Variants in PLXNC1 observed in about 807,000 individuals in gnomAD.
The protein encoded by PLXNC1 is plexin C1.
Under a neutral mutation model 178.2 loss-of-function variants are expected in PLXNC1, and 75 were observed. That is an observed-to-expected ratio of 0.42 (90% CI 0.35 to 0.51). The LOEUF (loss-of-function observed/expected upper bound fraction) is 0.51. Among genes scored for constraint, PLXNC1 ranks in the 20% least tolerant of loss-of-function variants. PLXNC1 has a pLI of 0.02. For missense variants in PLXNC1, 1,503 were observed against 1,984.4 expected, an observed-to-expected ratio of 0.76 and a Z score of 4.61; for synonymous variants, 790 against 779.9, an observed-to-expected ratio of 1.01 and a Z score of -0.22.
chr12:94,225,361 T>C (rs929927022), intron 7 of PLXNC1, among the ~76,000 whole-genome samples: 10 of 152,102 alleles, frequency 6.6e-5, no homozygotes, highest in African/African-American at 2.2e-4. Flanking sequence ...GAAGCTGAGC[T>C]AGGAGGCTGC....
rs1960900325 is a variant in PLXNC1, at chr12:94,150,109, TG to T, written c.1062+81del. 38 of 1,181,126 alleles carry T rather than the reference TG, an allele frequency of 3.2e-5. No homozygotes were observed. The South Asian group carries it at 6.0e-4, about 19-fold the overall frequency. 73.2% of individuals were successfully genotyped at this position (1,181,126 alleles called of 1,614,324 possible). A position where few individuals can be genotyped will look rare whatever the true frequency, so the allele number is the denominator to read the frequency against. ...CCGCCGCCGCCGAGGCAGAACGAGC[TG>T]GGGGCGAGCGGCGGGGCGGGGGTAC... On this transcript the variant is annotated intron_variant, in intron 1 of 30. Transcript: ENST00000258526.
At position 94,182,864 on chromosome 12, in the gene PLXNC1, T is replaced by TATCTATCTATC. The variant is rs1260414001; in HGVS notation, c.1338+1285_1338+1295dup. The stretch of plus-strand genomic sequence containing the variant: ...TAACTTGTTCAAGAATATCTGTATC[T>TATCTATCTATC]ATCTATCTATCTATCTATCTATCTA... On this transcript the variant is annotated intron_variant, in intron 3 of 30. Coordinates refer to ENST00000258526, the MANE Select transcript of PLXNC1 (RefSeq NM_005761.3). Among the ~76,000 whole-genome samples, 4 of 121,314 alleles carry TATCTATCTATC rather than the reference T, an allele frequency of 3.3e-5. No individual in the cohort carries two copies. The East Asian group carries it at 8.7e-4, about 26-fold the overall frequency. 79.6% of individuals were successfully genotyped at this position (121,314 alleles called of 152,430 possible).
intron 15 of PLXNC1, among the ~76,000 whole-genome samples, chr12:94,252,422 C>T (rs1327338375): frequency 2.6e-5 from 4 of 152,102 alleles, no homozygotes; most frequent in African/African-American, 4.8e-5. Flanking sequence ...CAGAATGAGG[C>T]CCTGTGTCTA....
intron 2 of PLXNC1, among the ~76,000 whole-genome samples, chr12:94,176,042 T>C (rs1054588066): frequency 2.6e-5 from 4 of 152,218 alleles, no homozygotes; most frequent in African/African-American, 9.7e-5. Context: ...GACTTCAGAT[T>C]AGATCTATAT....
chr12:94,173,470 G>A (rs1448620974), intron 2 of PLXNC1, among the ~76,000 whole-genome samples: 3 of 152,230 alleles, frequency 2.0e-5, no homozygotes, highest in South Asian at 4.1e-4. Context: ...AAGAATAATC[G>A]CTAACATTTC....
At position 94,297,411 on chromosome 12, in the gene PLXNC1, G is replaced by A. The variant is rs539426586; in HGVS notation, c.4062G>A (p.Leu1354=). The A allele has an allele frequency of 1.9e-6, 3 of 1,612,110 alleles. No individual in the cohort carries two copies. Among genetic ancestry groups the A allele is most frequent in the Admixed American group, 1.7e-5 (1 of 60,000 alleles). The part of the protein sequence containing the change: ...FKVKEMYLTK[L]LSTKVAIHSV... ...TAAAAGAAATGTATCTGACAAAGCT[G>A]CTGTCGACCAAGGTACACTTACTGT... Residue 1354 remains leucine, a synonymous_variant, in exon 26 of 31, where the codon CTG becomes CTA. Coordinates refer to ENST00000258526, the MANE Select transcript of PLXNC1 (RefSeq NM_005761.3).
chr12:94,278,062 C>G (rs144202025), intron 21 of PLXNC1: 2 of 456,084 alleles, frequency 4.4e-6, no homozygotes, highest in South Asian at 1.5e-5. Flanking sequence ...GGAGCCCCCC[C>G]TCCCTCTGTC....
At chr12:94,295,527 C>T (rs1967826925) in intron 24 of PLXNC1, among the ~76,000 whole-genome samples, 1 of 152,126 alleles carries the variant, frequency 6.6e-6, no homozygotes, top group African/African-American at 2.4e-5. Context: ...CGTGGGCCCT[C>T]CAGTCAGTCA....
intron 4 of PLXNC1, among the ~76,000 whole-genome samples, chr12:94,201,848 A>G (rs1201208026): frequency 7.5e-6 from 1 of 132,586 alleles, no homozygotes; most frequent in Non-Finnish European, 1.5e-5. Context: ...GACTCACTGC[A>G]GGCTCTGCCT....
At chr12:94,296,143 C>G (rs975145037) in intron 24 of PLXNC1, among the ~76,000 whole-genome samples, 1 of 152,122 alleles carries the variant, frequency 6.6e-6, no homozygotes, top group East Asian at 1.9e-4. Context: ...TTTCCATTAG[C>G]ATTTCAAGAT....
intron 26 of PLXNC1, among the ~76,000 whole-genome samples, 157 bp downstream of exon 26, chr12:94,297,580 CTCT>C (rs755404373): frequency 1.3e-5 from 2 of 152,182 alleles, no homozygotes; most frequent in African/African-American, 4.8e-5. Flanking sequence ...TACCCAGTTC[CTCT>C]TCTTTTTATA....
At chr12:94,265,923 G>A (rs1331084391) in intron 21 of PLXNC1, among the ~76,000 whole-genome samples, 2 of 152,182 alleles carry the variant, frequency 1.3e-5, no homozygotes, top group Non-Finnish European at 2.9e-5. Flanking sequence ...CAGAGAGGGA[G>A]CCAAGCAGGG....
At position 94,279,842 on chromosome 12, in the gene PLXNC1, G is replaced by A. The variant is rs141975647; in HGVS notation, c.3775+193G>A. 97 of 700,658 alleles carry A rather than the reference G, an allele frequency of 1.4e-4. No individual in the cohort carries two copies. In the East Asian group the frequency reaches 2.1e-3, roughly 15 times the overall value. 43.4% of individuals were successfully genotyped at this position (700,658 alleles called of 1,614,324 possible). A position where few individuals can be genotyped will look rare whatever the true frequency, so the allele number is the denominator to read the frequency against. On this transcript the variant is annotated intron_variant, in intron 22 of 30. Coordinates refer to ENST00000258526, the MANE Select transcript of PLXNC1 (RefSeq NM_005761.3). ...TCTCTCATGGGCATCCTGATTCTTC[G>A]AAGGAAGCACGGTCCTTCAAAGATG...
Position 94,297,356 on chromosome 12 carries a change from A to G in PLXNC1, c.4007A>G (p.Lys1336Arg). Residue 1336 changes from lysine to arginine, a missense_variant, in exon 26 of 31, where the codon AAG (lysine) becomes AGG (arginine). Lys to Arg is a conservative substitution (Grantham distance 26, BLOSUM62 2). Around this residue, in one of 4 missense-constraint regions of PLXNC1, gnomAD observed 639 missense variants for 979.7 expected, o/e 0.65. Transcript: ENST00000258526. ...GAAGCATTCCAAGATGTGCAAGGAAAGAGACATCGAGGGAAGCACAAGTTC... is the reference window on the plus strand; with the variant it reads ...GAAGCATTCCAAGATGTGCAAGGAAGGAGACATCGAGGGAAGCACAAGTTC... The part of the protein sequence containing the change: ...DSEAFQDVQG[K>R]RHRGKHKFKV... 6.2e-7 allele frequency: 1 copy of G among 1,614,070 alleles called. No homozygotes were observed. Among genetic ancestry groups the G allele is most frequent in the East Asian group, 2.2e-5 (1 of 44,866 alleles).
intron 4 of PLXNC1, among the ~76,000 whole-genome samples, chr12:94,209,241 G>A (rs183903235): frequency 2.6e-5 from 4 of 152,228 alleles, no homozygotes; most frequent in African/African-American, 7.2e-5. Flanking sequence ...TCTTTGCTAG[G>A]CATTTCTAAA....
intron 5 of PLXNC1, among the ~76,000 whole-genome samples, chr12:94,210,760 GA>G (rs1412262505): frequency 1.3e-5 from 2 of 151,900 alleles, no homozygotes; most frequent in African/African-American, 2.4e-5. Context: ...TCTTCCTGGA[GA>G]AAAAAAATAA....
At chr12:94,151,107 T>G (rs1960946406) in intron 1 of PLXNC1, among the ~76,000 whole-genome samples, 1 of 151,920 alleles carries the variant, frequency 6.6e-6, no homozygotes, top group Non-Finnish European at 1.5e-5. Context: ...TGGACAAAAA[T>G]CAAAGCGCAG....
chr12:94,162,192 C>T (rs1961409593), intron 1 of PLXNC1, among the ~76,000 whole-genome samples: 1 of 152,092 alleles, frequency 6.6e-6, no homozygotes, highest in Non-Finnish European at 1.5e-5. Context: ...GGTCATGTGT[C>T]CACGAGTAGG....
intron 23 of PLXNC1, among the ~76,000 whole-genome samples, chr12:94,287,144 T>C (rs2136171808): frequency 6.6e-6 from 1 of 152,356 alleles, no homozygotes; most frequent in African/African-American, 2.4e-5. Flanking sequence ...TTCCATCTGA[T>C]GAACACAGAG....
Sources: allele counts gnomAD v4.1 joint callset (sites outside exome capture counted in the v4.1 genomes callset), GRCh38; gene constraint gnomAD v4.1.1; regional missense constraint gnomAD v4.1.1; transcripts MANE v1.5; gene names NCBI Gene and HGNC (gene_info 2026-07-23, HGNC 2026-07-21).